HSD17B12: variants seen among roughly 807,000 people sequenced by gnomAD.
HSD17B12 encodes very-long-chain 3-oxoacyl-CoA reductase.
A neutral mutation model predicts 39.3 loss-of-function variants in HSD17B12; 32 were observed. The ratio of observed to expected loss-of-function variants is 0.81; its 90% CI spans 0.61 to 1.09. HSD17B12 has a LOEUF of 1.09. HSD17B12 is among the 50% of genes least tolerant of loss of function. The pLI, the probability that HSD17B12 is intolerant of heterozygous loss-of-function variation, is 0.00. For missense variants in HSD17B12, 342 were observed against 382.9 expected, an observed-to-expected ratio of 0.89 and a Z score of 0.89; for synonymous variants, 150 against 146.7, an observed-to-expected ratio of 1.02 and a Z score of -0.16.
intron 9 of HSD17B12, among the ~76,000 whole-genome samples, chr11:43,843,192 T>A (rs994929345): frequency 4.6e-5 from 7 of 152,192 alleles, no homozygotes; most frequent in Non-Finnish European, 8.8e-5. Flanking sequence ...AGCACAGTCG[T>A]CATTCTGTGT....
chr11:43,765,959 G>A (rs1026200070), intron 3 of HSD17B12, among the ~76,000 whole-genome samples: 22 of 151,662 alleles, frequency 1.5e-4, no homozygotes, highest in African/African-American at 5.1e-4. Context: ...TCAGCCTCCC[G>A]CCACTACAGG....
chr11:43,588,636 A>AT, the HSD17B12 span, among the ~76,000 whole-genome samples: 49 of 149,508 alleles, frequency 3.3e-4, no homozygotes, highest in East Asian at 5.5e-3. Flanking sequence ...TATTATTATT[A>AT]TAGTGTTCTC....
chr11:43,638,520 T>C, the HSD17B12 span, among the ~76,000 whole-genome samples: 1 of 152,178 alleles, frequency 6.6e-6, no homozygotes, highest in Non-Finnish European at 1.5e-5. Context: ...TGTTTAAAAG[T>C]TGATGAAAAA....
chr11:43,563,931 T>A, the HSD17B12 span, among the ~76,000 whole-genome samples: 2 of 152,194 alleles, frequency 1.3e-5, no homozygotes, highest in Admixed American at 1.3e-4. Flanking sequence ...TCTTTTTTTT[T>A]AGAGATGAGG....
At chr11:43,618,253 A>G in the HSD17B12 span, among the ~76,000 whole-genome samples, 2 of 152,160 alleles carry the variant, frequency 1.3e-5, no homozygotes. Flanking sequence ...GCCTCTATTT[A>G]TTTATATTCA....
chr11:43,848,352 A>T lies in HSD17B12; in HGVS notation c.685-6363A>T, dbSNP rs1381033609. 2.6e-5 allele frequency: 4 copies of T among 152,122 alleles called. No homozygotes were observed. In the East Asian group the frequency reaches 7.7e-4, roughly 29 times the overall value. 9.4% of individuals were successfully genotyped at this position (152,122 alleles called of 1,614,324 possible). A position where few individuals can be genotyped will look rare whatever the true frequency, so the allele number is the denominator to read the frequency against. On this transcript the variant is annotated intron_variant, in intron 9 of 10. Coordinates refer to ENST00000278353, the MANE Select transcript of HSD17B12 (RefSeq NM_016142.3). Reference sequence around the variant, plus strand: ...ATTTACAACAGTGTTGTACCACAAGACCTACAAGCTTAAGAGGTCCCTCCA... The same window carrying T: ...ATTTACAACAGTGTTGTACCACAAGTCCTACAAGCTTAAGAGGTCCCTCCA...
intron 3 of HSD17B12, among the ~76,000 whole-genome samples, chr11:43,785,664 A>AT (rs1950809376): frequency 6.6e-6 from 1 of 152,224 alleles, no homozygotes; most frequent in African/African-American, 2.4e-5. Flanking sequence ...TCTTTGGATG[A>AT]TTGTGGATAT....
intron 1 of HSD17B12, among the ~76,000 whole-genome samples, chr11:43,688,883 T>C (rs542573923): frequency 2.6e-5 from 4 of 152,370 alleles, no homozygotes; most frequent in East Asian, 1.9e-4. Context: ...AATGAGGTTC[T>C]AGTATAGTCC....
At chr11:43,699,761 A>G (rs1949945906) in intron 1 of HSD17B12, among the ~76,000 whole-genome samples, 2 of 152,292 alleles carry the variant, frequency 1.3e-5, no homozygotes, top group African/African-American at 4.8e-5. Context: ...TAGAGAAGGG[A>G]ATTCAGCCAA....
At chr11:43,590,077 G>C in the HSD17B12 span, among the ~76,000 whole-genome samples, 1 of 152,162 alleles carries the variant, frequency 6.6e-6, no homozygotes, top group African/African-American at 2.4e-5. Flanking sequence ...TATAGTCCAG[G>C]AGTTGCTGGA....
intron 1 of HSD17B12, among the ~76,000 whole-genome samples, chr11:43,681,877 T>G (rs1949749239): frequency 6.7e-6 from 1 of 148,942 alleles, no homozygotes; most frequent in Non-Finnish European, 1.5e-5. Context: ...CTTCTTTGCT[T>G]TATTTTTCGT....
intron 6 of HSD17B12, among the ~76,000 whole-genome samples, chr11:43,829,111 G>C (rs1951280504): frequency 6.6e-6 from 1 of 152,170 alleles, no homozygotes; most frequent in Admixed American, 6.5e-5. Context: ...TTATGACAAG[G>C]ACAGAGAATT....
chr11:43,679,121 T>C (rs1013314500), upstream of HSD17B12, among the ~76,000 whole-genome samples: 4 of 152,190 alleles, frequency 2.6e-5, no homozygotes, highest in African/African-American at 9.7e-5. Context: ...TGAGCAGTGG[T>C]TTGTAGTTCT....
intron 1 of HSD17B12, among the ~76,000 whole-genome samples, chr11:43,734,733 A>C (rs927452702): frequency 9.9e-5 from 15 of 152,180 alleles, no homozygotes; most frequent in Admixed American, 3.3e-4. Flanking sequence ...CCATCCCCCC[A>C]AAAAATGGGG....
chr11:43,602,221 A>G, the HSD17B12 span, among the ~76,000 whole-genome samples: 1 of 152,230 alleles, frequency 6.6e-6, no homozygotes, highest in Admixed American at 6.5e-5. Flanking sequence ...TAGTTATAAA[A>G]TCAATACATG....
the HSD17B12 span, among the ~76,000 whole-genome samples, chr11:43,598,155 A>T: frequency 5.3e-5 from 8 of 152,042 alleles, no homozygotes; most frequent in Admixed American, 1.3e-4. Context: ...TGGGTGAAAG[A>T]ATGGCCTCCA....
chr11:43,704,600 A>T (rs1410706108), intron 1 of HSD17B12, among the ~76,000 whole-genome samples: 2 of 152,124 alleles, frequency 1.3e-5, no homozygotes, highest in Non-Finnish European at 2.9e-5. Context: ...GGAAAAGTTG[A>T]CCAATCTTGA....
At chr11:43,606,287 C>T in the HSD17B12 span, among the ~76,000 whole-genome samples, 1 of 152,208 alleles carries the variant, frequency 6.6e-6, no homozygotes, top group Non-Finnish European at 1.5e-5. Flanking sequence ...GGGCAATTCA[C>T]CTGCACCCTA....
chr11:43,664,084 C>T, the HSD17B12 span, among the ~76,000 whole-genome samples: 2 of 151,872 alleles, frequency 1.3e-5, no homozygotes, highest in South Asian at 2.1e-4. Flanking sequence ...CTCCTGATGT[C>T]GTGATCTGCC....
Sources: allele counts gnomAD v4.1 joint callset (sites outside exome capture counted in the v4.1 genomes callset), GRCh38; gene constraint gnomAD v4.1.1; transcripts MANE v1.5; gene names NCBI Gene and HGNC (gene_info 2026-07-23, HGNC 2026-07-21).